KHDRBS2: variants seen among roughly 807,000 people sequenced by gnomAD.
KHDRBS2 encodes KH RNA binding domain containing, signal transduction associated 2, also known as KH domain-containing, RNA-binding, signal transduction-associated protein 2.
A neutral mutation model predicts 44.3 loss-of-function variants in KHDRBS2; 26 were observed. That is an observed-to-expected ratio of 0.59 (90% CI 0.43 to 0.81). The LOEUF is 0.81. Ranked by LOEUF, KHDRBS2 falls within the 40% of genes least tolerant of loss-of-function variation. The pLI is 0.00. For missense variants in KHDRBS2, 476 were observed against 433.1 expected, an observed-to-expected ratio of 1.10 and a Z score of -0.88; for synonymous variants, 194 against 151.1, an observed-to-expected ratio of 1.28 and a Z score of -2.08.
chr6:62,108,659 G>T (rs1336574018), intron 2 of KHDRBS2, among the ~76,000 whole-genome samples: 1 of 152,184 alleles, frequency 6.6e-6, no homozygotes, highest in African/African-American at 2.4e-5. Context: ...TATGTTCATT[G>T]CGGCACTATT....
the KHDRBS2 span, among the ~76,000 whole-genome samples, chr6:61,615,263 G>GA: frequency 5.7e-5 from 7 of 123,676 alleles, no homozygotes; most frequent in East Asian, 2.4e-4. Context: ...AAAGAAAAAA[G>GA]AAAAAAAACA....
the KHDRBS2 span, among the ~76,000 whole-genome samples, chr6:61,560,255 A>G: frequency 6.6e-6 from 1 of 152,104 alleles, no homozygotes; most frequent in African/African-American, 2.4e-5. Flanking sequence ...TTTGACCTTT[A>G]GAAGATTAAT....
intron 2 of KHDRBS2, among the ~76,000 whole-genome samples, chr6:62,161,720 TC>T (rs1241409238): frequency 6.6e-6 from 1 of 152,044 alleles, no homozygotes; most frequent in East Asian, 1.9e-4. Context: ...ATTATTGTCT[TC>T]TTTTATGTTT....
the KHDRBS2 span, among the ~76,000 whole-genome samples, chr6:61,617,854 A>C: frequency 1.3e-5 from 2 of 152,298 alleles, no homozygotes; most frequent in East Asian, 3.9e-4. Context: ...GAATTTCATC[A>C]AGTTTTACTT....
At chr6:62,029,855 A>T (rs1476044018) in intron 3 of KHDRBS2, among the ~76,000 whole-genome samples, 1 of 151,958 alleles carries the variant, frequency 6.6e-6, no homozygotes, top group African/African-American at 2.4e-5. Context: ...ATATATAGAT[A>T]TTGCATTTTT....
intron 3 of KHDRBS2, among the ~76,000 whole-genome samples, chr6:62,029,945 T>C (rs1784048634): frequency 6.6e-6 from 1 of 151,966 alleles, no homozygotes. Context: ...AAAAAACAGA[T>C]ACTATCATCT....
At chr6:62,129,435 A>T (rs1809743746) in intron 2 of KHDRBS2, among the ~76,000 whole-genome samples, 1 of 152,204 alleles carries the variant, frequency 6.6e-6, no homozygotes, top group African/African-American at 2.4e-5. Flanking sequence ...TTAGATTCAA[A>T]ATACATAAAT....
chr6:61,940,933 T>G (rs1812010530), intron 4 of KHDRBS2, among the ~76,000 whole-genome samples: 1 of 152,190 alleles, frequency 6.6e-6, no homozygotes, highest in Admixed American at 6.5e-5. Context: ...TGGCCTAGGA[T>G]GTTCAACACC....
intron 2 of KHDRBS2, among the ~76,000 whole-genome samples, chr6:62,160,399 AT>A (rs1343215641): frequency 6.6e-6 from 1 of 152,110 alleles, no homozygotes; most frequent in Non-Finnish European, 1.5e-5. Context: ...GAGGTAGGTC[AT>A]TTTGTAAATA....
At chr6:61,686,526 G>A (rs796906662) in intron 8 of KHDRBS2, among the ~76,000 whole-genome samples, 8 of 151,710 alleles carry the variant, frequency 5.3e-5, no homozygotes, top group African/African-American at 1.9e-4. Flanking sequence ...TATTATGATA[G>A]CATCCATTTT....
At chr6:61,663,475 A>G in the KHDRBS2 span, among the ~76,000 whole-genome samples, 1 of 116,408 alleles carries the variant, frequency 8.6e-6, no homozygotes, top group African/African-American at 3.0e-5. Flanking sequence ...ATTAGTCATT[A>G]CCATTAGCAT....
chr6:62,211,857 G>A (rs1829105288), intron 1 of KHDRBS2, among the ~76,000 whole-genome samples: 1 of 152,018 alleles, frequency 6.6e-6, no homozygotes, highest in South Asian at 2.1e-4. Flanking sequence ...ACATGCACAC[G>A]TATGTTCATC....
chr6:62,199,818 T>C (rs527289749), intron 1 of KHDRBS2, among the ~76,000 whole-genome samples: 1 of 152,272 alleles, frequency 6.6e-6, no homozygotes, highest in East Asian at 1.9e-4. Flanking sequence ...GGCATCACGC[T>C]ACCTGACTTC....
chr6:61,699,843 T>C (rs1159286306), intron 7 of KHDRBS2, among the ~76,000 whole-genome samples: 3 of 152,040 alleles, frequency 2.0e-5, no homozygotes, highest in Non-Finnish European at 4.4e-5. Flanking sequence ...CAGCCCTCAC[T>C]GCCCAACATG....
At chr6:61,613,756 T>C in the KHDRBS2 span, among the ~76,000 whole-genome samples, 2 of 152,212 alleles carry the variant, frequency 1.3e-5, no homozygotes, top group Non-Finnish European at 2.9e-5. Context: ...GCTGTTACTG[T>C]TCATACTAAC....
chr6:61,957,504 C>T (rs1767648152), intron 4 of KHDRBS2, among the ~76,000 whole-genome samples: 1 of 144,100 alleles, frequency 6.9e-6, no homozygotes, highest in African/African-American at 2.7e-5. Context: ...AAAATGGCTG[C>T]TTTGGGGGTG....
chr6:61,748,232 G>T (rs760185632), intron 6 of KHDRBS2, among the ~76,000 whole-genome samples: 5 of 152,088 alleles, frequency 3.3e-5, no homozygotes, highest in East Asian at 1.9e-4. Flanking sequence ...CTCATGATCC[G>T]CCTGCCTTGG....
At chr6:62,162,859 C>A (rs2150113220) in intron 2 of KHDRBS2, among the ~76,000 whole-genome samples, 1 of 151,980 alleles carries the variant, frequency 6.6e-6, no homozygotes, top group Non-Finnish European at 1.5e-5. Flanking sequence ...TTGACATGAC[C>A]AAGTAAAAGG....
intron 4 of KHDRBS2, among the ~76,000 whole-genome samples, chr6:61,925,422 A>T (rs1931810): frequency 0.01 from 1,573 of 152,282 alleles, 28 homozygotes; most frequent in African/African-American, 0.036. Flanking sequence ...TTCATCAAGC[A>T]ATTTATAGTT....
Sources: gnomAD v4.1 joint callset for allele counts (sites outside exome capture counted in the v4.1 genomes callset) on GRCh38, gnomAD v4.1.1 for gene constraint, MANE v1.5 for transcripts, NCBI Gene and HGNC (gene_info 2026-07-23, HGNC 2026-07-21) for gene names.